The following WDR88 variants were observed in gnomAD, a reference collection of about 807,000 sequenced individuals.
WDR88 encodes the protein WD repeat-containing protein 88.
WDR88 carries 40 observed loss-of-function variants against 46.8 expected under a neutral mutation model. The ratio of observed to expected loss-of-function variants is 0.86; its 90% confidence interval spans 0.66 to 1.11. WDR88 has a LOEUF of 1.11. Ranked by LOEUF, WDR88 falls within the 50% of genes most tolerant of loss-of-function variation. WDR88 has a pLI of 0.00. For missense variants in WDR88, 562 were observed against 602.4 expected (o/e 0.93, Z 0.70); for synonymous variants, 235 against 240.7 (o/e 0.98, Z 0.22).
At chr19:33,140,226 C>T (rs2085433965) in intron 2 of WDR88, among the ~76,000 whole-genome samples, 1 of 152,198 alleles carries the variant, frequency 6.6e-6, no homozygotes. Context: ...GCAATTACGG[C>T]TCACTGCAGC....
At chr19:33,137,055 T>C (rs1258223415) in intron 1 of WDR88, among the ~76,000 whole-genome samples, 1 of 151,272 alleles carries the variant, frequency 6.6e-6, no homozygotes, top group Non-Finnish European at 1.5e-5. Flanking sequence ...CTCAGCCTCC[T>C]GAGTGGCTGG....
intron 9 of WDR88, among the ~76,000 whole-genome samples, chr19:33,168,315 C>T (rs535792433): frequency 2.6e-5 from 4 of 152,248 alleles, no homozygotes; most frequent in East Asian, 1.9e-4. Context: ...CATGAGCCAC[C>T]GTGCCCGGCC....
intron 4 of WDR88, 22 bp from the exon 5 acceptor site, chr19:33,148,750 T>C (rs1473357435): frequency 3.7e-6 from 6 of 1,613,906 alleles, no homozygotes; most frequent in Non-Finnish European, 5.1e-6. Flanking sequence ...AAAACAACCT[T>C]TTGATTGCTG....
chr19:33,175,776 A>G lies in WDR88; in HGVS notation c.*204A>G. ...GTGAACACTTTCCGTTTTCATGCAGAATAAATCTAATTCCTTTGGAAAACA... is the reference window on the plus strand; with the variant it reads ...GTGAACACTTTCCGTTTTCATGCAGGATAAATCTAATTCCTTTGGAAAACA... On this transcript the variant is annotated 3_prime_UTR_variant, in exon 11 of 11. Coordinates refer to ENST00000355868, the MANE Select transcript of WDR88 (RefSeq NM_173479.4). The G allele has an allele frequency of 1.7e-6, 1 of 582,112 alleles. No homozygotes were observed. The highest frequency in any genetic ancestry group is 2.1e-5 in the South Asian group (1 of 46,904). 36.1% of individuals were successfully genotyped at this position (582,112 alleles called of 1,614,324 possible). A position where few individuals can be genotyped will look rare whatever the true frequency, so the allele number is the denominator to read the frequency against.
intron 7 of WDR88, among the ~76,000 whole-genome samples, 161 bp from the exon 8 acceptor site, chr19:33,160,253 A>C (rs1359747101): frequency 6.6e-6 from 1 of 152,152 alleles, no homozygotes; most frequent in African/African-American, 2.4e-5. Context: ...GATAAGAATC[A>C]GCTGTAATTG....
intron 2 of WDR88, chr19:33,142,851 C>CAAAAAAAA (rs74174644): frequency 2.2e-3 from 43 of 19,534 alleles, no homozygotes; most frequent in African/African-American, 5.1e-3. Flanking sequence ...ACTAAAAATA[C>CAAAAAAAA]AAAAAAAAAA....
chr19:33,157,687 G>GTGTGTGTGTATA (rs1973782201), intron 7 of WDR88, among the ~76,000 whole-genome samples: 1 of 3,392 alleles, frequency 2.9e-4, no homozygotes, highest in Non-Finnish European at 6.5e-4. Flanking sequence ...GTGTATGTAT[G>GTGTGTGTGTATA]TATATATATA....
Position 33,160,433 on chromosome 19 carries a change from A to G in WDR88, c.1017A>G (p.Gly339=), listed in dbSNP as rs546503760. 1 of 1,613,888 alleles carries G rather than the reference A, an allele frequency of 6.2e-7. No individual in the cohort carries two copies. The highest frequency in any genetic ancestry group is 2.2e-5 in the East Asian group (1 of 44,858). The change falls in exon 8 of 11, where the codon GGA becomes GGG. Residue 339 remains glycine (G), a synonymous_variant. Coordinates refer to ENST00000355868, the MANE Select transcript of WDR88 (RefSeq NM_173479.4). ...FARDSSFLIS[G]GFDRTVAIWD... is the part of the protein sequence containing the mutation. ...TTGCAGGCTCTTTTCTCATTTCTGG[A>G]GGGTTTGATAGGACTGTGGCTATTT...
chr19:33,144,331 C>T (rs571094804), intron 2 of WDR88, among the ~76,000 whole-genome samples: 1 of 152,308 alleles, frequency 6.6e-6, no homozygotes, highest in African/African-American at 2.4e-5. Flanking sequence ...TCATGAATAG[C>T]TGGGACTACA....
At chr19:33,151,411 G>A (rs867082487) in intron 6 of WDR88, 101 bp downstream of exon 6, 13 of 1,444,512 alleles carry the variant, frequency 9.0e-6, no homozygotes, top group Middle Eastern at 4.8e-4. Context: ...GGACACGTCT[G>A]TAGCTTGGTC....
intron 9 of WDR88, among the ~76,000 whole-genome samples, chr19:33,168,327 C>A (rs1406557068): frequency 6.6e-6 from 1 of 152,040 alleles, no homozygotes; most frequent in Admixed American, 6.6e-5. Flanking sequence ...TGCCCGGCCC[C>A]AAAATTATTT....
At chr19:33,147,083 A>G (rs546368848) in intron 3 of WDR88, among the ~76,000 whole-genome samples, 61 of 151,364 alleles carry the variant, frequency 4.0e-4, no homozygotes, top group East Asian at 1.6e-3. Context: ...GAGAGAGAGA[A>G]AAAAATAGCC....
At chr19:33,155,239 C>T (rs996475108) in intron 6 of WDR88, among the ~76,000 whole-genome samples, 2 of 152,078 alleles carry the variant, frequency 1.3e-5, no homozygotes, top group African/African-American at 2.4e-5. Flanking sequence ...CTCCTGGGTT[C>T]AAGTGATTCT....
intron 9 of WDR88, among the ~76,000 whole-genome samples, chr19:33,171,340 T>C (rs1392185326): frequency 6.6e-6 from 1 of 152,184 alleles, no homozygotes; most frequent in East Asian, 1.9e-4. Context: ...TTTTTTGTTG[T>C]CATGATTTGA....
intron 9 of WDR88, among the ~76,000 whole-genome samples, chr19:33,166,416 C>T (rs775033873): frequency 6.6e-6 from 1 of 151,384 alleles, no homozygotes; most frequent in East Asian, 1.9e-4. Context: ...GTGGCAAAAC[C>T]CTGTCTCTAT....
intron 8 of WDR88, among the ~76,000 whole-genome samples, chr19:33,163,200 G>A (rs1273912006): frequency 6.6e-6 from 1 of 151,484 alleles, no homozygotes; most frequent in East Asian, 2.0e-4. Context: ...GGGTGTGGTG[G>A]CGGGCGCCTG....
intron 1 of WDR88, among the ~76,000 whole-genome samples, chr19:33,134,389 C>T (rs1025567711): frequency 9.9e-5 from 15 of 152,048 alleles, no homozygotes; most frequent in Middle Eastern, 3.4e-3. Context: ...GGGGGAGTCT[C>T]GCCATGTTGC....
At position 33,148,931 on chromosome 19, in the gene WDR88, T is replaced by A. The variant is rs114869841; in HGVS notation, c.679+21T>A. 494 of 1,613,628 alleles carry A rather than the reference T, an allele frequency of 3.1e-4. 1 individual carries two copies. The African/African-American group carries it at 4.7e-3, about 15-fold the overall frequency. ...CAAAGGTGAGGGTGTGCGGGCTCCCTGTATCTTCAGTCTGCCATAGGAATA... is the reference window on the plus strand; with the variant it reads ...CAAAGGTGAGGGTGTGCGGGCTCCCAGTATCTTCAGTCTGCCATAGGAATA... On this transcript the variant is annotated intron_variant, in intron 5 of 10. Coordinates refer to ENST00000355868, the MANE Select transcript of WDR88 (RefSeq NM_173479.4).
intron 9 of WDR88, among the ~76,000 whole-genome samples, chr19:33,165,880 G>A (rs1032165124): frequency 5.0e-5 from 7 of 140,552 alleles, no homozygotes; most frequent in African/African-American, 1.9e-4. Flanking sequence ...CAGCCTGGGT[G>A]ACAAGAGCGA....
Sources: gnomAD v4.1 joint callset for allele counts (sites outside exome capture counted in the v4.1 genomes callset) on GRCh38, gnomAD v4.1.1 for gene constraint, MANE v1.5 for transcripts, NCBI Gene and HGNC (gene_info 2026-07-23, HGNC 2026-07-21) for gene names.